ITIH2: variants seen among roughly 807,000 people sequenced by gnomAD.
ITIH2 encodes inter-alpha-trypsin inhibitor heavy chain H2.
In ITIH2, 103 loss-of-function variants were observed where a neutral mutation model predicts 104.4. That is an observed-to-expected ratio of 0.99 (90% confidence interval 0.84 to 1.16). The LOEUF (loss-of-function observed/expected upper bound fraction) is 1.16, where lower values mean the gene tolerates loss of function less well. ITIH2 is among the 50% of genes most tolerant of loss of function. The probability of loss-of-function intolerance (pLI) is 0.00; values close to 1 mark genes in which losing one functional copy is unlikely to be tolerated. For missense variants in ITIH2, 1,108 were observed against 1,162.4 expected (o/e 0.95, Z 0.68); for synonymous variants, 436 against 435.4 (o/e 1.00, Z -0.02).
chr10:7,729,862 A>G, intron 11 of ITIH2, 90 bp from the exon 12 acceptor site: 1 of 794,744 alleles, frequency 1.3e-6, no homozygotes, highest in Non-Finnish European at 2.0e-6. Context: ...TAATCTGGAC[A>G]CACTTTACTA....
rs375764473 is a variant in ITIH2, at chr10:7,717,768, C to T, written c.610C>T (p.Arg204Trp). ...GCACAGGATCTATCTGCAACCTGGACGGCTGGCCAAACACTTAGAGGTAAG... is the reference window on the plus strand; with the variant it reads ...GCACAGGATCTATCTGCAACCTGGATGGCTGGCCAAACACTTAGAGGTAAG... Reference protein sequence around the residue: ...YEHRIYLQPGRLAKHLEVDVW... With the variant: ...YEHRIYLQPGWLAKHLEVDVW... The change falls in exon 6 of 21, where the codon CGG becomes TGG. Residue 204 changes from arginine to tryptophan, a missense_variant. By Grantham distance (101) the Arg-to-Trp change is moderately radical. Transcript: ENST00000358415. The T allele has an allele frequency of 2.2e-5, 35 of 1,610,808 alleles. No homozygotes were observed. The highest frequency in any genetic ancestry group is 1.2e-4 in the African/African-American group (9 of 74,840).
chr10:7,737,409 ATATATATATATATATATACACGTG>A (rs1275457939), intron 15 of ITIH2, among the ~76,000 whole-genome samples: 1 of 120,816 alleles, frequency 8.3e-6, no homozygotes, highest in Non-Finnish European at 1.7e-5. Context: ...TATATCTCAT[ATATATATATATATATATACACGTG>A]TATATATATA....
intron 14 of ITIH2, among the ~76,000 whole-genome samples, chr10:7,734,300 A>T (rs1835031651): frequency 6.6e-6 from 1 of 152,204 alleles, no homozygotes; most frequent in South Asian, 2.1e-4. Flanking sequence ...GGCCGTGTAT[A>T]TGGGGGACCG....
At chr10:7,709,430 C>T (rs904426595) in intron 4 of ITIH2, among the ~76,000 whole-genome samples, 3 of 152,134 alleles carry the variant, frequency 2.0e-5, no homozygotes, top group South Asian at 4.1e-4. Flanking sequence ...GTGGTAACAA[C>T]CTCATACTTA....
At chr10:7,704,067 A>G (rs1173412258) in intron 1 of ITIH2, among the ~76,000 whole-genome samples, 2 of 152,242 alleles carry the variant, frequency 1.3e-5, no homozygotes, top group Admixed American at 6.5e-5. Context: ...GGAAAAGTAC[A>G]AGAATAATTC....
At chr10:7,747,049 G>T (rs555974200) in intron 20 of ITIH2, among the ~76,000 whole-genome samples, 8 of 152,316 alleles carry the variant, frequency 5.3e-5, no homozygotes, top group Non-Finnish European at 7.4e-5. Flanking sequence ...TAGTGCTGCA[G>T]AATGAATGTA....
chr10:7,717,743 G>A lies in ITIH2; in HGVS notation c.585G>A (p.Glu195=), dbSNP rs2130944513. The change falls in exon 6 of 21, where the codon GAG becomes GAA. Residue 195 remains glutamate (E), a synonymous_variant. Coordinates refer to ENST00000358415, the MANE Select transcript of ITIH2 (RefSeq NM_002216.3). ...AGTGGAGGAAGCTGGGCTCCTATGA[G>A]CACAGGATCTATCTGCAACCTGGAC... ...EVKWRKLGSY[E]HRIYLQPGRL... 6.2e-7 allele frequency: 1 copy of A among 1,612,878 alleles called. No individual in the cohort carries two copies.
Position 7,743,220 on chromosome 10 carries a change from C to A in ITIH2, c.2170C>A (p.Pro724Thr). The change falls in exon 17 of 21, where the codon CCT becomes ACT. Residue 724 changes from proline to threonine, a missense_variant. Pro to Thr is a conservative substitution (Grantham distance 38). Transcript: ENST00000358415. ...CATTTGTTTCAATATTGACTCAGAA[C>A]CTGGAAAAATCCTCAACCTGGTTTC... The part of the protein sequence containing the change: ...KNICFNIDSE[P>T]GKILNLVSDP... 6.3e-7 allele frequency: 1 copy of A among 1,594,452 alleles called. No individual in the cohort carries two copies. Among genetic ancestry groups the A allele is most frequent in the South Asian group, 1.2e-5 (1 of 85,962 alleles).
intron 9 of ITIH2, among the ~76,000 whole-genome samples, chr10:7,725,094 G>C (rs184732684): frequency 3.3e-5 from 5 of 152,292 alleles, no homozygotes; most frequent in Admixed American, 1.3e-4. Flanking sequence ...ACTTACATCT[G>C]AGGGATAGGG....
At chr10:7,736,010 C>T (rs957736692) in intron 15 of ITIH2, among the ~76,000 whole-genome samples, 9 of 152,044 alleles carry the variant, frequency 5.9e-5, no homozygotes, top group East Asian at 3.9e-4. Context: ...AAACAGAATA[C>T]TTAATTGGTT....
chr10:7,738,675 A>G lies in ITIH2; in HGVS notation c.2012A>G (p.Asn671Ser), dbSNP rs1835095029. The change falls in exon 16 of 21, where the codon AAT becomes AGT. Residue 671 changes from asparagine (N) to serine (S), a missense_variant. Physicochemically the swap from Asn to Ser is conservative, Grantham distance 46 (BLOSUM62 1). Transcript: ENST00000358415. ...VVPDSTPSWANPSPTPVISML... is the reference protein window; with the variant it reads ...VVPDSTPSWASPSPTPVISML... Reference sequence around the variant, plus strand: ...CCAGATTCCACCCCGTCTTGGGCCAATCCTTCACCAACGCCCGTGATCTCC... The same window carrying G: ...CCAGATTCCACCCCGTCTTGGGCCAGTCCTTCACCAACGCCCGTGATCTCC... 4 of 1,613,834 alleles carry G rather than the reference A, an allele frequency of 2.5e-6. No homozygotes were observed. Among genetic ancestry groups the G allele is most frequent in the African/African-American group, 1.3e-5 (1 of 74,990 alleles).
chr10:7,727,040 A>G lies in ITIH2; in HGVS notation c.1075A>G (p.Arg359Gly). ...TTTCAACCAGAACATTCGAACTTGG[A>G]GAAATGATTTAATTTCAGCTACAAA... The part of the protein sequence containing the change: ...IDFNQNIRTW[R>G]NDLISATKTQ... Residue 359 changes from arginine (R) to glycine (G), a missense_variant, in exon 10 of 21, where the codon AGA becomes GGA. Arg to Gly is a moderately radical substitution (Grantham distance 125). Transcript: ENST00000358415. 1.2e-6 allele frequency: 2 copies of G among 1,614,168 alleles called. No homozygotes were observed. The highest frequency in any genetic ancestry group is 1.7e-6 in the Non-Finnish European group (2 of 1,179,978).
In ITIH2 at chr10:7,729,570, GT is replaced by G. The variant is rs896187076; in HGVS notation, c.1280-372del. On this transcript the variant is annotated intron_variant, in intron 11 of 20. Transcript: ENST00000358415. ...TCCTAGGTACCCTGATATTTACCTT[GT>G]TTTTTTTTTCTCCTCTAAACATGCC... 3.0e-4 allele frequency among the ~76,000 whole-genome samples: 44 copies of G among 148,822 alleles called. 1 individual carries two copies. Among genetic ancestry groups the G allele is most frequent in the African/African-American group, 6.6e-4 (27 of 40,668 alleles).
chr10:7,744,472 G>C (rs939772328), intron 18 of ITIH2, among the ~76,000 whole-genome samples, 192 bp downstream of exon 18: 1 of 152,166 alleles, frequency 6.6e-6, no homozygotes, highest in Admixed American at 6.5e-5. Flanking sequence ...GTCACCGTTG[G>C]GTCCCAGGAC....
intron 9 of ITIH2, among the ~76,000 whole-genome samples, chr10:7,725,305 A>G (rs745885933): frequency 6.6e-6 from 1 of 152,208 alleles, no homozygotes; most frequent in Non-Finnish European, 1.5e-5. Flanking sequence ...GACCCTGAGA[A>G]GGTGAAGGGA....
In ITIH2 at chr10:7,744,957, C is replaced by A; in HGVS notation, c.2575C>A (p.Leu859Ile). 6.2e-7 allele frequency: 1 copy of A among 1,613,280 alleles called. No individual in the cohort carries two copies. The highest frequency in any genetic ancestry group is 8.5e-7 in the Non-Finnish European group (1 of 1,179,306). ...CAAGTTCTCACCTAAAGCCCACGGA[C>A]TAATAGGTAAAGTGTCTATTGACCA... ...TNKFSPKAHG[L>I]IGQFMQEPKI... Residue 859 changes from leucine to isoleucine, a missense_variant, in exon 19 of 21, where the codon CTA becomes ATA. By Grantham distance (5) the Leu-to-Ile change is conservative. Coordinates refer to ENST00000358415, the MANE Select transcript of ITIH2 (RefSeq NM_002216.3).
At chr10:7,735,687 T>G (rs1835049046) in intron 15 of ITIH2, among the ~76,000 whole-genome samples, 1 of 150,872 alleles carries the variant, frequency 6.6e-6, no homozygotes, top group African/African-American at 2.4e-5. Flanking sequence ...TTTTTTTTTT[T>G]TTTGAGACAG....
At chr10:7,744,594 A>G (rs1284095500) in intron 18 of ITIH2, among the ~76,000 whole-genome samples, 197 bp from the exon 19 acceptor site, 2 of 152,226 alleles carry the variant, frequency 1.3e-5, no homozygotes, top group African/African-American at 4.8e-5. Context: ...TCCAAACGCC[A>G]TGATTGTGTC....
At chr10:7,732,250 AT>A in intron 13 of ITIH2, 87 bp from the exon 14 acceptor site, 2 of 1,407,004 alleles carry the variant, frequency 1.4e-6, no homozygotes, top group South Asian at 2.5e-5. Context: ...TTTTATTCCC[AT>A]TCATTCGCAG....
Sources: allele counts gnomAD v4.1 joint callset (sites outside exome capture counted in the v4.1 genomes callset), GRCh38; gene constraint gnomAD v4.1.1; transcripts MANE v1.5; gene names NCBI Gene and HGNC (gene_info 2026-07-23, HGNC 2026-07-21).